The following FSTL3 variants were observed in gnomAD, a reference collection of about 807,000 sequenced individuals.
FSTL3 encodes the protein follistatin-related protein 3.
In FSTL3, 21 loss-of-function variants were observed where a neutral mutation model predicts 28.1. That is an observed-to-expected ratio of 0.75 (90% CI 0.53 to 1.08). The LOEUF (loss-of-function observed/expected upper bound fraction) is 1.08. FSTL3 is among the 50% of genes least tolerant of loss of function. The pLI is 0.00. For synonymous variants in FSTL3, 199 were observed against 164.2 expected, an observed-to-expected ratio of 1.21 and a Z score of -1.62; for missense variants, 400 against 380.9, an observed-to-expected ratio of 1.05 and a Z score of -0.42.
chr19:682,367 T>G lies in FSTL3; in HGVS notation c.*659T>G, dbSNP rs1327127676. ...GTGAGTATGGAGGGTCTAGCCTGGG[T>G]GTGTATGGAGGGTCTAGCCTGGGTG... On this transcript the variant is annotated 3_prime_UTR_variant, in exon 5 of 5. Transcript: ENST00000166139. 9 of 241,820 alleles carry G rather than the reference T, an allele frequency of 3.7e-5. No homozygotes were observed. The East Asian group carries it at 5.4e-4, about 14-fold the overall frequency. 15.0% of individuals were successfully genotyped at this position (241,820 alleles called of 1,614,324 possible). A position where few individuals can be genotyped will look rare whatever the true frequency, so the allele number is the denominator to read the frequency against.
intron 2 of FSTL3, among the ~76,000 whole-genome samples, chr19:679,109 C>T (rs1265643567): frequency 6.6e-6 from 1 of 152,122 alleles, no homozygotes; most frequent in Non-Finnish European, 1.5e-5. Flanking sequence ...AGACCCCCCT[C>T]TGGCTTCTGG....
chr19:680,240 C>G (rs1204750683), intron 2 of FSTL3, 34 bp from the exon 3 acceptor site: 20 of 1,304,884 alleles, frequency 1.5e-5, no homozygotes, highest in Non-Finnish European at 2.0e-5. Context: ...GACCCTCCCG[C>G]GCCCGGCCCC....
At chr19:676,598 G>T (rs995622365) in intron 1 of FSTL3, 72 bp downstream of exon 1, 9 of 477,922 alleles carry the variant, frequency 1.9e-5, no homozygotes, top group Non-Finnish European at 2.8e-5. Context: ...CGGCCGGGGG[G>T]ACGTCGGGGG....
At chr19:676,568 A>C (rs2031213172) in intron 1 of FSTL3, 42 bp downstream of exon 1, 20 of 607,604 alleles carry the variant, frequency 3.3e-5, no homozygotes, top group Non-Finnish European at 4.5e-5. Context: ...CGGGCCACCC[A>C]CGTGGGGCTG....
At chr19:678,170 A>G (rs553727640) in intron 2 of FSTL3, 193 bp downstream of exon 2, 3 of 600,150 alleles carry the variant, frequency 5.0e-6, no homozygotes, top group East Asian at 5.6e-5. Flanking sequence ...CTTGCAGCTC[A>G]GGACTCAGGA....
rs755282319 is a variant in FSTL3 at position 677,788 on chromosome 19, G to A, written c.104-4G>A. ...AGGAGAGCACCCCGTTCCCCGGCCC[G>A]CAGGTGGTGTTTGCTGGCTCCAGCA... On this transcript the variant is annotated splice_polypyrimidine_tract_variant and splice_region_variant and intron_variant, in intron 1 of 4. Coordinates refer to ENST00000166139, the MANE Select transcript of FSTL3 (RefSeq NM_005860.3). 2.5e-5 allele frequency: 40 copies of A among 1,605,242 alleles called. No individual in the cohort carries two copies. In the African/African-American group the frequency reaches 2.9e-4, roughly 12 times the overall value.
rs1014592498 is a variant in FSTL3, at chr19:681,904, G to A, written c.*196G>A. 6.3e-5 allele frequency: 39 copies of A among 615,628 alleles called. No individual in the cohort carries two copies. Among genetic ancestry groups the A allele is most frequent in the Middle Eastern group, 4.3e-4 (1 of 2,320 alleles). 38.1% of individuals were successfully genotyped at this position (615,628 alleles called of 1,614,324 possible). ...GAGGCCTGGGGGCCGGCTGGTGGGT[G>A]GGATAGACCTGCGTTCCGGACACTG... On this transcript the variant is annotated 3_prime_UTR_variant, in exon 5 of 5. Coordinates refer to ENST00000166139, the MANE Select transcript of FSTL3 (RefSeq NM_005860.3).
At chr19:678,270 T>G (rs1165962544) in intron 2 of FSTL3, among the ~76,000 whole-genome samples, 1 of 152,192 alleles carries the variant, frequency 6.6e-6, no homozygotes, top group African/African-American at 2.4e-5. Context: ...GGCTTGCACC[T>G]AGCTCCTGGG....
rs978479865 is a variant in FSTL3 at position 676,484 on chromosome 19, G to A, written c.61G>A (p.Val21Met). ...GCCCTGGGGGGCCCTGGCTTGGGCC[G>A]TGGGCTTCGTGAGCTCCATGGGCTC... ...PLPWGALAWA[V>M]GFVSSMGSGN... Residue 21 changes from valine (V) to methionine (M), a missense_variant, in exon 1 of 5, where the codon GTG (valine) becomes ATG (methionine). By Grantham distance (21) the Val-to-Met change is conservative. Transcript: ENST00000166139. 8.3e-7 allele frequency: 1 copy of A among 1,197,824 alleles called. No homozygotes were observed. Among genetic ancestry groups the A allele is most frequent in the Non-Finnish European group, 1.0e-6 (1 of 964,012 alleles). 74.2% of individuals were successfully genotyped at this position (1,197,824 alleles called of 1,614,324 possible).
chr19:682,813 G>A lies in FSTL3; in HGVS notation c.*1105G>A, dbSNP rs954616613. 14 of 232,884 alleles carry A rather than the reference G, an allele frequency of 6.0e-5. No homozygotes were observed. Among genetic ancestry groups the A allele is most frequent in the East Asian group, 2.4e-4 (4 of 16,568 alleles). 14.4% of individuals were successfully genotyped at this position (232,884 alleles called of 1,614,324 possible). The stretch of plus-strand genomic sequence containing the variant: ...CTGGGGGAGCTCTGGCGGGGACCAC[G>A]GGCCACTGCTCACCCACTGGCCCCG... On this transcript the variant is annotated 3_prime_UTR_variant, in exon 5 of 5. Coordinates refer to ENST00000166139, the MANE Select transcript of FSTL3 (RefSeq NM_005860.3).
chr19:677,904 C>A lies in FSTL3; in HGVS notation c.216C>A (p.Ser72=), dbSNP rs201231318. 6.2e-7 allele frequency: 1 copy of A among 1,613,626 alleles called. No individual in the cohort carries two copies. The highest frequency in any genetic ancestry group is 2.2e-5 in the East Asian group (1 of 44,880). Residue 72 remains serine (S), a synonymous_variant, in exon 2 of 5, where the codon TCC becomes TCA. Coordinates refer to ENST00000166139, the MANE Select transcript of FSTL3 (RefSeq NM_005860.3). ...CASGNIDTAW[S]NLTHPGNKIN... Reference sequence around the variant, plus strand: ...CCGGCAACATTGACACCGCCTGGTCCAACCTCACCCACCCGGGGAACAAGA... The same window carrying A: ...CCGGCAACATTGACACCGCCTGGTCAAACCTCACCCACCCGGGGAACAAGA...
At chr19:676,597 G>A (rs1355667607) in intron 1 of FSTL3, 71 bp downstream of exon 1, 3 of 496,350 alleles carry the variant, frequency 6.0e-6, no homozygotes, top group Non-Finnish European at 8.8e-6. Flanking sequence ...GCGGCCGGGG[G>A]GACGTCGGGG....
chr19:680,008 C>CCCCG (rs1054235882), intron 2 of FSTL3: 2 of 211,582 alleles, frequency 9.5e-6, no homozygotes, highest in African/African-American at 5.3e-5. Context: ...GAGACCCCCC[C>CCCCG]CCGCCCCGGC....
In FSTL3 at chr19:680,465, G is replaced by A; in HGVS notation, c.481G>A (p.Val161Ile). Reference protein sequence around the residue: ...ARCRGHPDLSVMYRGRCRKSC... With the variant: ...ARCRGHPDLSIMYRGRCRKSC... ...CTGCCGCGGCCACCCGGACCTGAGCGTCATGTACCGGGGCCGCTGCCGCAG... is the reference window on the plus strand; with the variant it reads ...CTGCCGCGGCCACCCGGACCTGAGCATCATGTACCGGGGCCGCTGCCGCAG... Residue 161 changes from valine (V) to isoleucine (I), a missense_variant, in exon 3 of 5, where the codon GTC becomes ATC. Val to Ile is a conservative substitution (Grantham distance 29, BLOSUM62 3). Coordinates refer to ENST00000166139, the MANE Select transcript of FSTL3 (RefSeq NM_005860.3). The A allele has an allele frequency of 8.0e-7, 1 of 1,254,720 alleles. No homozygotes were observed. Among genetic ancestry groups the A allele is most frequent in the Non-Finnish European group, 1.0e-6 (1 of 1,000,588 alleles). The allele number at this position is 1,254,720 out of a possible 1,614,324, so 77.7% of individuals were successfully genotyped here. A position where few individuals can be genotyped will look rare whatever the true frequency, so the allele number is the denominator to read the frequency against.
intron 2 of FSTL3, chr19:680,008 C>T (rs1012794325): frequency 4.7e-6 from 1 of 211,584 alleles, no homozygotes; most frequent in Non-Finnish European, 8.9e-6. Flanking sequence ...GAGACCCCCC[C>T]CCGCCCCGGC....
chr19:676,436 G>C lies in FSTL3; in HGVS notation c.13G>C (p.Ala5Pro), dbSNP rs1272579878. The change falls in exon 1 of 5, where the codon GCG becomes CCG. Residue 5 changes from alanine to proline, a missense_variant. Transcript: ENST00000166139. The part of the protein sequence containing the change: MRPG[A>P]PGPLWPLPWG... ...CTCTGCGTTCGCCATGCGTCCCGGG[G>C]CGCCAGGGCCACTCTGGCCTCTGCC... 7 of 1,209,518 alleles carry C rather than the reference G, an allele frequency of 5.8e-6. No individual in the cohort carries two copies. The highest frequency in any genetic ancestry group is 7.2e-6 in the Non-Finnish European group (7 of 969,012). 74.9% of individuals were successfully genotyped at this position (1,209,518 alleles called of 1,614,324 possible).
Position 680,325 on chromosome 19 carries a change from G to C in FSTL3, c.341G>C (p.Gly114Ala). The C allele has an allele frequency of 7.8e-7, 1 of 1,281,576 alleles. No homozygotes were observed. Among genetic ancestry groups the C allele is most frequent in the Non-Finnish European group, 9.8e-7 (1 of 1,018,806 alleles). 79.4% of individuals were successfully genotyped at this position (1,281,576 alleles called of 1,614,324 possible). The change falls in exon 3 of 5, where the codon GGG (glycine) becomes GCG (alanine). Residue 114 changes from glycine (G) to alanine (A), a missense_variant. Transcript: ENST00000166139. Reference protein sequence around the residue: ...CGPGKACRMLGGRPRCECAPD... With the variant: ...CGPGKACRMLAGRPRCECAPD... ...CCGGGCAAGGCGTGCCGCATGCTGG[G>C]GGGCCGCCCGCGCTGCGAGTGCGCG...
At chr19:679,254 C>G (rs1268061070) in intron 2 of FSTL3, among the ~76,000 whole-genome samples, 4 of 152,288 alleles carry the variant, frequency 2.6e-5, no homozygotes, top group Non-Finnish European at 4.4e-5. Flanking sequence ...CCACCCTGGC[C>G]GAGCATTTCC....
At chr19:676,970 G>A (rs1003592913) in intron 1 of FSTL3, among the ~76,000 whole-genome samples, 3 of 152,120 alleles carry the variant, frequency 2.0e-5, no homozygotes, top group African/African-American at 7.2e-5. Flanking sequence ...CCCGGGTCCT[G>A]GGTAGACGGG....
Sources: allele counts gnomAD v4.1 joint callset (sites outside exome capture counted in the v4.1 genomes callset), GRCh38; gene constraint gnomAD v4.1.1; transcripts MANE v1.5; gene names NCBI Gene and HGNC (gene_info 2026-07-23, HGNC 2026-07-21).